PREX1: variants seen among roughly 807,000 people sequenced by gnomAD.
PREX1 encodes phosphatidylinositol 3,4,5-trisphosphate-dependent Rac exchanger 1 protein.
Under a neutral mutation model 198.3 loss-of-function variants are expected in PREX1, and 41 were observed. That is an observed-to-expected ratio of 0.21 (90% confidence interval 0.16 to 0.27). PREX1 has a LOEUF of 0.27. Ranked by LOEUF, PREX1 falls within the 10% of genes least tolerant of loss-of-function variation. The probability of loss-of-function intolerance (pLI) is 1.00; values close to 1 mark genes in which losing one functional copy is unlikely to be tolerated. For synonymous variants in PREX1, 843 were observed against 887.2 expected, an observed-to-expected ratio of 0.95 and a Z score of 0.89; for missense variants, 1,620 against 2,200.7, an observed-to-expected ratio of 0.74 and a Z score of 5.28.
At chr20:48,838,279 C>T in the PREX1 span, among the ~76,000 whole-genome samples, 1 of 152,180 alleles carries the variant, frequency 6.6e-6, no homozygotes, top group Non-Finnish European at 1.5e-5. Flanking sequence ...GCACTTTTCC[C>T]TATGTGTTCT....
chr20:48,744,225 T>A (rs1220513694), intron 3 of PREX1, among the ~76,000 whole-genome samples: 3 of 152,150 alleles, frequency 2.0e-5, no homozygotes, highest in African/African-American at 7.2e-5. Flanking sequence ...TGTCTGGACA[T>A]TGCCCATTGT....
intron 2 of PREX1, among the ~76,000 whole-genome samples, chr20:48,747,416 C>T (rs533059549): frequency 1.2e-4 from 18 of 152,340 alleles, no homozygotes; most frequent in African/African-American, 3.8e-4. Context: ...AGGGCGGGAG[C>T]GGGGGCCGGG....
chr20:48,818,580 C>T (rs1885287), intron 1 of PREX1, among the ~76,000 whole-genome samples: 47,249 of 152,162 alleles, frequency 0.31, 7,552 homozygotes, highest in Non-Finnish European at 0.33. Flanking sequence ...CCCGGCTGCG[C>T]GTCCTCAGGT....
At chr20:48,857,643 C>A in the PREX1 span, among the ~76,000 whole-genome samples, 1 of 152,172 alleles carries the variant, frequency 6.6e-6, no homozygotes, top group Non-Finnish European at 1.5e-5. Context: ...CATGGTGGTG[C>A]ATGCCTGTGG....
chr20:48,680,933 T>C (rs1482703641), intron 11 of PREX1, among the ~76,000 whole-genome samples: 1 of 152,228 alleles, frequency 6.6e-6, no homozygotes, highest in Non-Finnish European at 1.5e-5. Flanking sequence ...TGCCACATTA[T>C]AGGCACTCAA....
rs1485330045 is a variant in PREX1 at position 48,827,928 on chromosome 20, C to T, written c.-68G>A. On this transcript the variant is annotated 5_prime_UTR_variant, in exon 1 of 40. Transcript: ENST00000371941. This position sits in a 1 kb window ranked among gnomAD's most constrained non-coding sequence, Gnocchi z 4.1. ...GCGGCAACTCAGGCGTCCAGGCGCC[C>T]CATCCCGGACGGGGCGCGCCGGCGG... 6 of 640,276 alleles carry T rather than the reference C, an allele frequency of 9.4e-6. No homozygotes were observed. The highest frequency in any genetic ancestry group is 6.5e-5 in the Admixed American group (1 of 15,306). 39.7% of individuals were successfully genotyped at this position (640,276 alleles called of 1,614,324 possible). A position where few individuals can be genotyped will look rare whatever the true frequency, so the allele number is the denominator to read the frequency against.
the PREX1 span, among the ~76,000 whole-genome samples, chr20:48,857,695 C>T: frequency 6.6e-6 from 1 of 152,180 alleles, no homozygotes; most frequent in Non-Finnish European, 1.5e-5. Flanking sequence ...ATCACTTGAA[C>T]CAAGAAGGTT....
chr20:48,726,197 G>A, intron 5 of PREX1, 93 bp downstream of exon 5: 1 of 1,057,620 alleles, frequency 9.5e-7, no homozygotes, highest in Non-Finnish European at 1.4e-6. Context: ...AGCTGACACT[G>A]CTGCTAGACT....
intron 5 of PREX1, among the ~76,000 whole-genome samples, chr20:48,709,025 C>G (rs1405002006): frequency 6.6e-6 from 1 of 152,168 alleles, no homozygotes; most frequent in Non-Finnish European, 1.5e-5. Context: ...CCCCTGCCCC[C>G]ACCGTTTCCC....
At chr20:48,796,423 T>C (rs2090362553) in intron 1 of PREX1, among the ~76,000 whole-genome samples, 1 of 151,774 alleles carries the variant, frequency 6.6e-6, no homozygotes, top group African/African-American at 2.4e-5. Flanking sequence ...CAAAGCAAAA[T>C]GCAGAAACGT....
intron 1 of PREX1, among the ~76,000 whole-genome samples, chr20:48,798,903 T>C (rs2090374223): frequency 6.6e-6 from 1 of 151,800 alleles, no homozygotes; most frequent in African/African-American, 2.4e-5. Flanking sequence ...ATTAAATAAC[T>C]TTTTTCTTTT....
intron 4 of PREX1, among the ~76,000 whole-genome samples, chr20:48,730,983 G>A (rs557051718): frequency 2.9e-4 from 44 of 152,140 alleles, no homozygotes; most frequent in Non-Finnish European, 5.1e-4. Context: ...GTGACGCAGC[G>A]AGACCCTATC....
At chr20:48,818,177 A>C (rs1389687221) in intron 1 of PREX1, among the ~76,000 whole-genome samples, 1 of 152,152 alleles carries the variant, frequency 6.6e-6, no homozygotes, top group African/African-American at 2.4e-5. Context: ...CATTTGAGAA[A>C]AGGCAAATGC....
rs2089435548 is a variant in PREX1 at position 48,644,319 on chromosome 20, G to A, written c.3601+90C>T. On this transcript the variant is annotated intron_variant, in intron 27 of 39. Coordinates refer to ENST00000371941, the MANE Select transcript of PREX1 (RefSeq NM_020820.4). ...GCAATAAAACACAAAACAATATAAT[G>A]CAGAGGAAAGTATAATAAAATAAAC... 7.3e-6 allele frequency: 8 copies of A among 1,097,884 alleles called. No homozygotes were observed. The South Asian group carries it at 9.8e-5, about 13-fold the overall frequency. The allele number at this position is 1,097,884 out of a possible 1,614,324, so 68.0% of individuals were successfully genotyped here.
At chr20:48,780,264 G>A (rs2090282518) in intron 1 of PREX1, among the ~76,000 whole-genome samples, 1 of 152,080 alleles carries the variant, frequency 6.6e-6, no homozygotes, top group East Asian at 1.9e-4. Context: ...TCAGGGCTGA[G>A]GCAGGGAAAA....
chr20:48,838,003 A>G, the PREX1 span, among the ~76,000 whole-genome samples: 4 of 152,248 alleles, frequency 2.6e-5, no homozygotes, highest in African/African-American at 9.6e-5. Context: ...TGATGTAGGT[A>G]TGATTCCATT....
In PREX1 at chr20:48,632,658, C is replaced by T. The variant is rs2089324522; in HGVS notation, c.4268-19G>A. 1 of 1,612,628 alleles carries T rather than the reference C, an allele frequency of 6.2e-7. No homozygotes were observed. Among genetic ancestry groups the T allele is most frequent in the African/African-American group, 1.3e-5 (1 of 74,850 alleles). ...TTGGTGTCTGCGGAAGGATATGGGG[C>T]AGGATGACTCACCACCGAGGCCAAG... On this transcript the variant is annotated intron_variant, in intron 33 of 39. Transcript: ENST00000371941.
chr20:48,636,639 G>A lies in PREX1; in HGVS notation c.3991C>T (p.Leu1331=), dbSNP rs772314411. Residue 1331 remains leucine (L), a synonymous_variant, in exon 32 of 40, where the codon CTG becomes TTG. Transcript: ENST00000371941. ...GAGAAGGTGCACACGGCGGCCACCA[G>A]GGCCTGGCAGAAGATCGCGTCTCTG... ...LRRDAIFCQA[L]VAAVCTFSKQ... The A allele has an allele frequency of 6.2e-7, 1 of 1,610,934 alleles. No individual in the cohort carries two copies. The highest frequency in any genetic ancestry group is 1.3e-5 in the African/African-American group (1 of 74,916).
intron 30 of PREX1, among the ~76,000 whole-genome samples, chr20:48,638,022 G>C (rs2089378650): frequency 6.6e-6 from 1 of 152,072 alleles, no homozygotes; most frequent in Non-Finnish European, 1.5e-5. Flanking sequence ...TTTAATCCCT[G>C]GGCCACAGCC....
Sources: allele counts gnomAD v4.1 joint callset (sites outside exome capture counted in the v4.1 genomes callset), GRCh38; gene constraint gnomAD v4.1.1; non-coding constraint Gnocchi (gnomAD v3.1); transcripts MANE v1.5; gene names NCBI Gene and HGNC (gene_info 2026-07-23, HGNC 2026-07-21).